Variants in EEA1 observed in about 807,000 individuals in gnomAD.
EEA1 encodes early endosome antigen 1, 162kD.
A neutral mutation model predicts 209.2 loss-of-function variants in EEA1; 111 were observed. The ratio of observed to expected loss-of-function variants is 0.53; its 90% CI spans 0.45 to 0.62. The LOEUF (loss-of-function observed/expected upper bound fraction) is 0.62. EEA1 is among the 20% of genes least tolerant of loss of function. EEA1 has a pLI of 0.00. For synonymous variants in EEA1, 536 were observed against 540.6 expected, an observed-to-expected ratio of 0.99 and a Z score of 0.12; for missense variants, 1,343 against 1,530.8, an observed-to-expected ratio of 0.88 and a Z score of 2.05.
chr12:92,859,770 G>A (rs7963767), intron 3 of EEA1, among the ~76,000 whole-genome samples: 10 of 152,136 alleles, frequency 6.6e-5, no homozygotes, highest in African/African-American at 4.8e-5. Context: ...TTGTAGTTCC[G>A]CTTATAGCCT....
At chr12:92,820,170 CAT>C (rs1223781839) in intron 13 of EEA1, among the ~76,000 whole-genome samples, 1 of 152,098 alleles carries the variant, frequency 6.6e-6, no homozygotes, top group African/African-American at 2.4e-5. Context: ...ATATCTGACA[CAT>C]GTTCTAAAAA....
intron 8 of EEA1, among the ~76,000 whole-genome samples, chr12:92,851,616 T>G (rs1391070049): frequency 1.3e-5 from 2 of 152,108 alleles, no homozygotes; most frequent in Non-Finnish European, 2.9e-5. Flanking sequence ...GTAATAAAAA[T>G]GAAGGAGCAA....
At chr12:92,874,219 G>T (rs1310244981) in intron 2 of EEA1, among the ~76,000 whole-genome samples, 2 of 152,110 alleles carry the variant, frequency 1.3e-5, no homozygotes, top group African/African-American at 4.8e-5. Context: ...TACTTAGGAG[G>T]TTGAGGCGGG....
intron 2 of EEA1, 73 bp downstream of exon 2, chr12:92,891,556 C>T: frequency 1.7e-6 from 2 of 1,171,786 alleles, no homozygotes; most frequent in South Asian, 3.0e-5. Context: ...ATACAAATCA[C>T]CAATCGTTAC....
chr12:92,872,508 C>T (rs1239658026), intron 2 of EEA1, among the ~76,000 whole-genome samples: 1 of 152,186 alleles, frequency 6.6e-6, no homozygotes, highest in Non-Finnish European at 1.5e-5. Context: ...CCATAATTCC[C>T]AGCAGATGAT....
chr12:92,853,013 A>G lies in EEA1; in HGVS notation c.419T>C (p.Leu140Ser). Residue 140 changes from leucine to serine, a missense_variant, in exon 7 of 29, where the codon TTG becomes TCG. Leu to Ser is a moderately radical substitution (Grantham distance 145). This residue lies in a region of EEA1 where 1,307 missense variants were observed against 1,465.5 expected (regional missense o/e 0.89). Transcript: ENST00000322349. ...TTGGGCTTCTTCTAATTGCTGTTCCAAAGACTGTAGTTCTACAAAAAAGTG... is the reference window on the plus strand; with the variant it reads ...TTGGGCTTCTTCTAATTGCTGTTCCGAAGACTGTAGTTCTACAAAAAAGTG... The part of the protein sequence containing the change: ...VTDSSAELQS[L>S]EQQLEEAQTE... 6.2e-7 allele frequency: 1 copy of G among 1,604,330 alleles called. No individual in the cohort carries two copies. Among genetic ancestry groups the G allele is most frequent in the Non-Finnish European group, 8.5e-7 (1 of 1,174,184 alleles).
At chr12:92,824,791 C>T (rs1378937547) in intron 13 of EEA1, among the ~76,000 whole-genome samples, 5 of 152,164 alleles carry the variant, frequency 3.3e-5, no homozygotes, top group African/African-American at 1.2e-4. Context: ...TGCCTATTTA[C>T]CTTGATTATC....
intron 7 of EEA1, 35 bp downstream of exon 7, chr12:92,852,877 T>G (rs1247721864): frequency 6.8e-6 from 10 of 1,480,632 alleles, no homozygotes; most frequent in Non-Finnish European, 8.5e-6. Context: ...GTAATGAGAT[T>G]GATTTATTGG....
intron 2 of EEA1, among the ~76,000 whole-genome samples, chr12:92,869,300 A>G (rs901850474): frequency 2.6e-5 from 4 of 152,190 alleles, no homozygotes; most frequent in Non-Finnish European, 5.9e-5. Flanking sequence ...AACTTCCAAA[A>G]AACACAATTT....
intron 3 of EEA1, 50 bp downstream of exon 3, chr12:92,864,810 T>G (rs368131493): frequency 2.6e-5 from 37 of 1,435,936 alleles, no homozygotes; most frequent in Non-Finnish European, 3.0e-5. Flanking sequence ...TAAACGACGA[T>G]ACCACATGCA....
intron 10 of EEA1, among the ~76,000 whole-genome samples, chr12:92,837,043 C>T (rs1876958683): frequency 6.6e-6 from 1 of 150,936 alleles, no homozygotes; most frequent in South Asian, 2.1e-4. Flanking sequence ...ATCACTTGAA[C>T]TCGGGAGATG....
intron 14 of EEA1, among the ~76,000 whole-genome samples, chr12:92,817,817 T>G (rs1875865516): frequency 1.3e-5 from 2 of 152,178 alleles, no homozygotes; most frequent in South Asian, 4.1e-4. Flanking sequence ...TTTTAAGGTC[T>G]TTTTTACACT....
chr12:92,831,392 A>G (rs1876620853), intron 11 of EEA1, among the ~76,000 whole-genome samples: 1 of 150,742 alleles, frequency 6.6e-6, no homozygotes, highest in Non-Finnish European at 1.5e-5. Flanking sequence ...TATACAAAAT[A>G]TTTTTGCCTT....
chr12:92,845,641 A>G (rs1877360767), intron 9 of EEA1, among the ~76,000 whole-genome samples: 1 of 152,140 alleles, frequency 6.6e-6, no homozygotes, highest in African/African-American at 2.4e-5. Context: ...ACTGTTCTAA[A>G]GTATTCCCAC....
At chr12:92,786,556 A>C (rs971973610) in intron 22 of EEA1, among the ~76,000 whole-genome samples, 8 of 152,132 alleles carry the variant, frequency 5.3e-5, no homozygotes, top group Admixed American at 2.0e-4. Flanking sequence ...GTATGGGTTC[A>C]GTCCTTTTGT....
intron 21 of EEA1, among the ~76,000 whole-genome samples, chr12:92,794,505 A>AT (rs1185480871): frequency 2.0e-5 from 3 of 152,176 alleles, no homozygotes; most frequent in Non-Finnish European, 4.4e-5. Flanking sequence ...GATAGACTGG[A>AT]TAAAAAAAAA....
At chr12:92,845,961 T>C (rs1443422754) in intron 9 of EEA1, among the ~76,000 whole-genome samples, 1 of 152,202 alleles carries the variant, frequency 6.6e-6, no homozygotes, top group Non-Finnish European at 1.5e-5. Flanking sequence ...TTCCTTGGTT[T>C]TCTGAAATGT....
rs530302061 is a variant in EEA1, at chr12:92,822,783, T to G, written c.1525-3272A>C. On this transcript the variant is annotated intron_variant, in intron 13 of 28. Coordinates refer to ENST00000322349, the MANE Select transcript of EEA1 (RefSeq NM_003566.4). ...TCTGATGTCTCTCTCGGTTAACATA[T>G]ATAGCACGATTCCCTCCTCCGAGCT... is the stretch of plus-strand genomic sequence containing the variant. Among the ~76,000 whole-genome samples, 6 of 152,312 alleles carry G rather than the reference T, an allele frequency of 3.9e-5. No individual in the cohort carries two copies. The South Asian group carries it at 1.0e-3, about 26-fold the overall frequency.
chr12:92,901,573 T>G (rs1335861460), intron 1 of EEA1, among the ~76,000 whole-genome samples: 1 of 149,556 alleles, frequency 6.7e-6, no homozygotes. Flanking sequence ...AACTTCTTGT[T>G]TTTTTTTTTT....
Sources: allele counts gnomAD v4.1 joint callset (sites outside exome capture counted in the v4.1 genomes callset), GRCh38; gene constraint gnomAD v4.1.1; regional missense constraint gnomAD v4.1.1; transcripts MANE v1.5; gene names NCBI Gene and HGNC (gene_info 2026-07-23, HGNC 2026-07-21).